Variants in TMOD1 observed in about 807,000 individuals in gnomAD.
TMOD1 encodes tropomodulin-1.
Under a neutral mutation model 40.6 loss-of-function variants are expected in TMOD1, and 17 were observed. The observed-to-expected ratio is 0.42, with a 90% CI of 0.29 to 0.63. TMOD1 has a LOEUF of 0.63. TMOD1 is among the 20% of genes least tolerant of loss of function. TMOD1 has a pLI of 0.22. For missense variants in TMOD1, 391 were observed against 447.6 expected (o/e 0.87, Z 1.14); for synonymous variants, 181 against 175.0 (o/e 1.03, Z -0.27).
At chr9:97,529,002 A>T (rs2131227089) in intron 2 of TMOD1, among the ~76,000 whole-genome samples, 1 of 152,316 alleles carries the variant, frequency 6.6e-6, no homozygotes, top group African/African-American at 2.4e-5. Context: ...TTTACAGATG[A>T]GGAAACTGAG....
chr9:97,576,233 G>A (rs1332020696), intron 8 of TMOD1, among the ~76,000 whole-genome samples: 1 of 152,146 alleles, frequency 6.6e-6, no homozygotes, highest in Non-Finnish European at 1.5e-5. Context: ...TAGAGACCAG[G>A]AGTTCAAGAC....
intron 4 of TMOD1, chr9:97,555,468 T>C (rs1431690541): frequency 7.0e-7 from 1 of 1,431,598 alleles, no homozygotes; most frequent in Non-Finnish European, 9.1e-7. Context: ...TGTGCTACGT[T>C]TCTGTGTGGC....
intron 1 of TMOD1, among the ~76,000 whole-genome samples, chr9:97,510,898 TAGG>T (rs1465347021): frequency 1.3e-5 from 2 of 151,706 alleles, no homozygotes; most frequent in South Asian, 2.1e-4. Flanking sequence ...TGCAGAGACA[TAGG>T]AGGAGTGGAG....
intron 6 of TMOD1, 63 bp from the exon 7 acceptor site, chr9:97,565,785 C>T (rs1830717747): frequency 5.2e-6 from 7 of 1,334,250 alleles, no homozygotes; most frequent in Non-Finnish European, 7.5e-6. Context: ...GGCTAATCCA[C>T]CTGCCTCAGC....
intron 3 of TMOD1, among the ~76,000 whole-genome samples, chr9:97,552,622 T>C (rs1158335501): frequency 1.3e-5 from 2 of 152,252 alleles, no homozygotes; most frequent in Non-Finnish European, 2.9e-5. Flanking sequence ...TTAATGCTAC[T>C]TTGTAAGCTT....
At chr9:97,559,794 A>AAAAAAAAAATAT (rs1390791825) in intron 4 of TMOD1, among the ~76,000 whole-genome samples, 2 of 23,178 alleles carry the variant, frequency 8.6e-5, no homozygotes, top group East Asian at 4.0e-3. Flanking sequence ...AAAAAAAAAA[A>AAAAAAAAAATAT]ATATATATAT....
chr9:97,597,132 G>A lies in TMOD1; in HGVS notation c.1016-2502G>A, dbSNP rs556402847. On this transcript the variant is annotated intron_variant, in intron 9 of 9. Transcript: ENST00000259365. ...GCAGCAGATGGAGGTTGGTCCGGAC[G>A]ACTGGAGAGCCCTTCTGGCATTCAC... Among the ~76,000 whole-genome samples, 4 of 152,360 alleles carry A rather than the reference G, an allele frequency of 2.6e-5. No homozygotes were observed. The East Asian group carries it at 5.8e-4, about 22-fold the overall frequency.
At chr9:97,528,127 G>A (rs145169367) in intron 2 of TMOD1, among the ~76,000 whole-genome samples, 1 of 152,272 alleles carries the variant, frequency 6.6e-6, no homozygotes, top group East Asian at 1.9e-4. Flanking sequence ...AAATACCCAG[G>A]GCCCTGCAGC....
intron 4 of TMOD1, chr9:97,555,513 G>A (rs1055307611): frequency 2.8e-6 from 4 of 1,448,374 alleles, no homozygotes; most frequent in Non-Finnish European, 3.6e-6. Context: ...TTTTGTTGGC[G>A]TGGCTATTTA....
intron 4 of TMOD1, among the ~76,000 whole-genome samples, chr9:97,559,795 A>C (rs1319637099): frequency 9.0e-5 from 1 of 11,082 alleles, no homozygotes; most frequent in African/African-American, 2.2e-4. Context: ...AAAAAAAAAA[A>C]TATATATATA....
In TMOD1 at chr9:97,599,735, T is replaced by C; in HGVS notation, c.*37T>C. The C allele has an allele frequency of 6.2e-7, 1 of 1,613,832 alleles. No homozygotes were observed. Among genetic ancestry groups the C allele is most frequent in the Non-Finnish European group, 8.5e-7 (1 of 1,179,964 alleles). ...GGAGTCCATGCCTTTGAACTGGATG[T>C]GTTCTATTGATGACCTGTGCTCTGC... On this transcript the variant is annotated 3_prime_UTR_variant, in exon 10 of 10. Transcript: ENST00000259365.
chr9:97,520,583 T>C (rs1829899494), intron 1 of TMOD1, among the ~76,000 whole-genome samples: 1 of 152,186 alleles, frequency 6.6e-6, no homozygotes, highest in Non-Finnish European at 1.5e-5. Context: ...GAGTTTTTGG[T>C]TCTTCTCAGT....
chr9:97,501,295 C>T (rs1203295243), upstream of TMOD1: 1 of 152,222 alleles, frequency 6.6e-6, no homozygotes, highest in Admixed American at 6.5e-5. Context: ...GCTTAGCTGG[C>T]TTTGGTCCAT....
chr9:97,538,653 A>G (rs1830225392), intron 2 of TMOD1, among the ~76,000 whole-genome samples: 1 of 152,078 alleles, frequency 6.6e-6, no homozygotes, highest in South Asian at 2.1e-4. Context: ...CTTCCCCTCC[A>G]TTTAGGATCT....
At chr9:97,582,167 G>A (rs1196056396) in intron 8 of TMOD1, among the ~76,000 whole-genome samples, 1 of 151,670 alleles carries the variant, frequency 6.6e-6, no homozygotes, top group South Asian at 2.1e-4. Context: ...ATCTTGAATT[G>A]ATTTTTGTAG....
chr9:97,506,770 C>A (rs1399970004), intron 1 of TMOD1, among the ~76,000 whole-genome samples: 1 of 152,202 alleles, frequency 6.6e-6, no homozygotes, highest in African/African-American at 2.4e-5. Context: ...CAGGGTTTGA[C>A]AAACTTGAGA....
chr9:97,508,915 A>C (rs1416207622), intron 1 of TMOD1, among the ~76,000 whole-genome samples: 2 of 152,254 alleles, frequency 1.3e-5, no homozygotes, highest in Admixed American at 6.5e-5. Context: ...GCCCTTAAAA[A>C]GGCTTGAGAT....
chr9:97,598,629 T>C (rs1336150839), intron 9 of TMOD1, among the ~76,000 whole-genome samples: 1 of 152,202 alleles, frequency 6.6e-6, no homozygotes, highest in Admixed American at 6.5e-5. Flanking sequence ...CCCCAAGAAG[T>C]TGGACATTCT....
chr9:97,529,282 G>T (rs944445241), intron 2 of TMOD1, among the ~76,000 whole-genome samples: 2 of 152,136 alleles, frequency 1.3e-5, no homozygotes, highest in Non-Finnish European at 2.9e-5. Context: ...TTCCTTCTTT[G>T]GATCTCAATT....
Sources: allele counts gnomAD v4.1 joint callset (sites outside exome capture counted in the v4.1 genomes callset), GRCh38; gene constraint gnomAD v4.1.1; transcripts MANE v1.5; gene names NCBI Gene and HGNC (gene_info 2026-07-23, HGNC 2026-07-21).